The following NPC1 variants were observed in gnomAD, a reference collection of about 807,000 sequenced individuals.
NPC1 encodes Niemann-Pick C1 protein.
NPC1 carries 85 observed loss-of-function variants against 140.4 expected under a neutral mutation model. The ratio of observed to expected loss-of-function variants is 0.61; its 90% confidence interval spans 0.51 to 0.72. The LOEUF (loss-of-function observed/expected upper bound fraction) is 0.72. Among genes scored for constraint, NPC1 ranks in the 30% least tolerant of loss-of-function variants. The probability of loss-of-function intolerance (pLI) is 0.00; values close to 1 mark genes in which losing one functional copy is unlikely to be tolerated. For missense variants in NPC1, 1,504 were observed against 1,623.8 expected (o/e 0.93, Z 1.27); for synonymous variants, 656 against 624.8 (o/e 1.05, Z -0.74).
chr18:23,530,121 T>G (rs1273782680), downstream of NPC1: 1 of 1,614,056 alleles, frequency 6.2e-7, no homozygotes, highest in Non-Finnish European at 8.5e-7. Flanking sequence ...CCTCAGCGAC[T>G]CCAAACCTTT....
intron 3 of NPC1, among the ~76,000 whole-genome samples, chr18:23,516,727 CTT>C (rs35162212): frequency 5.4e-5 from 4 of 73,950 alleles, no homozygotes; most frequent in Non-Finnish European, 8.7e-5. Flanking sequence ...ATTTCTTCTT[CTT>C]TTTTTTTTTT....
At chr18:23,508,177 G>A (rs776614500) in intron 3 of NPC1, 9 of 701,712 alleles carry the variant, frequency 1.3e-5, no homozygotes, top group Non-Finnish European at 2.0e-5. Context: ...TCCCAAACTG[G>A]AGTCAGGCGG....
Position 23,538,622 on chromosome 18 carries a change from T to C in NPC1, c.2961A>G (p.Lys987=), listed in dbSNP as rs2145366840. Residue 987 remains lysine, a synonymous_variant, in exon 20 of 25, where the codon AAA becomes AAG. Transcript: ENST00000269228. The stretch of plus-strand genomic sequence containing the variant: ...TGAAGTCTCCCCCCTGAGGCCTCTG[T>C]TTGCCTTCCGGAGTCAGAGGCCTGC... The part of the protein sequence containing the change: ...VRCRPLTPEG[K]QRPQGGDFMR... 6.2e-7 allele frequency: 1 copy of C among 1,614,100 alleles called. No homozygotes were observed. The highest frequency in any genetic ancestry group is 8.5e-7 in the Non-Finnish European group (1 of 1,179,996).
intron 21 of NPC1, among the ~76,000 whole-genome samples, chr18:23,535,972 A>G (rs1027039754): frequency 2.0e-5 from 3 of 152,160 alleles, no homozygotes; most frequent in South Asian, 4.1e-4. Context: ...ATAGACATTT[A>G]CAGAGAGCAT....
downstream of NPC1, among the ~76,000 whole-genome samples, chr18:23,521,760 C>T (rs2058148778): frequency 6.6e-6 from 1 of 150,718 alleles, no homozygotes; most frequent in South Asian, 2.1e-4. Flanking sequence ...AGTTCAAGAT[C>T]AAGATGTCTG....
At chr18:23,535,744 C>G in intron 21 of NPC1, 44 bp from the exon 22 acceptor site, 1 of 1,266,878 alleles carries the variant, frequency 7.9e-7, no homozygotes, top group Non-Finnish European at 1.2e-6. Context: ...GCTCTCACTC[C>G]CGAACACTGC....
At chr18:23,575,460 G>A (rs1238359250) in intron 1 of NPC1, among the ~76,000 whole-genome samples, 1 of 152,000 alleles carries the variant, frequency 6.6e-6, no homozygotes, top group Non-Finnish European at 1.5e-5. Flanking sequence ...CCTGGAGCAG[G>A]TTACGTAACC....
In NPC1 at chr18:23,545,635, C is replaced by T. The variant is rs116836661; in HGVS notation, c.1758-486G>A. On this transcript the variant is annotated intron_variant, in intron 11 of 24. Coordinates refer to ENST00000269228, the MANE Select transcript of NPC1 (RefSeq NM_000271.5). Reference sequence around the variant, plus strand: ...GAAATAGAGTCTCTCTCTGTTGCCTCGGCTGGAGTACAGTGGCACTATTAC... The same window carrying T: ...GAAATAGAGTCTCTCTCTGTTGCCTTGGCTGGAGTACAGTGGCACTATTAC... 5.8e-3 allele frequency among the ~76,000 whole-genome samples: 890 copies of T among 152,308 alleles called. 8 individuals are homozygous for T. Among genetic ancestry groups the T allele is most frequent in the African/African-American group, 0.02 (823 of 41,566 alleles).
intron 9 of NPC1, among the ~76,000 whole-genome samples, chr18:23,553,624 A>G (rs1202520079): frequency 1.3e-5 from 2 of 152,216 alleles, no homozygotes; most frequent in Admixed American, 6.5e-5. Flanking sequence ...ATGCTGAAGA[A>G]ATAGCCACTG....
At chr18:23,530,264 T>G (rs780383941), downstream of NPC1, 2 of 1,614,240 alleles carry the variant, frequency 1.2e-6, no homozygotes, top group Non-Finnish European at 1.7e-6. Context: ...GTTTCTATCC[T>G]CCTGCTCATC....
downstream of NPC1, chr18:23,527,770 G>C (rs779244233): frequency 8.8e-6 from 14 of 1,586,928 alleles, no homozygotes; most frequent in Non-Finnish European, 1.1e-5. Context: ...GGTTTGATCC[G>C]TGTGTGAACA....
At position 23,533,519 on chromosome 18, in the gene NPC1, TAAAAG is replaced by T. The variant is rs760935117; in HGVS notation, c.3592-7_3592-3del. 18 of 1,614,038 alleles carry T rather than the reference TAAAAG, an allele frequency of 1.1e-5. No individual in the cohort carries two copies. Among genetic ancestry groups the T allele is most frequent in the Non-Finnish European group, 1.4e-5 (17 of 1,179,898 alleles). The stretch of plus-strand genomic sequence containing the variant: ...TGTAAGTGTGATTCCACTGAACACC[TAAAAG>T]AAGAGATACTGTGTTAGAAACCACT... On this transcript the variant is annotated splice_polypyrimidine_tract_variant and splice_region_variant and intron_variant, in intron 23 of 24. Transcript: ENST00000269228.
At position 23,531,992 on chromosome 18, in the gene NPC1, T is replaced by A; in HGVS notation, c.*210A>T. The A allele has an allele frequency of 6.8e-7, 1 of 1,464,728 alleles. No homozygotes were observed. The highest frequency in any genetic ancestry group is 9.0e-7 in the Non-Finnish European group (1 of 1,114,662). The allele number at this position is 1,464,728 out of a possible 1,614,324, so 90.7% of individuals were successfully genotyped here. ...CCTGAAGAGGCTGGGAGAAGTTTAG[T>A]GTCCTGTGGTTGCCTCCAGATCTAG... On this transcript the variant is annotated 3_prime_UTR_variant, in exon 25 of 25. Coordinates refer to ENST00000269228, the MANE Select transcript of NPC1 (RefSeq NM_000271.5).
At chr18:23,544,872 T>C (rs746467451) in intron 12 of NPC1, 88 bp downstream of exon 12, 3 of 958,948 alleles carry the variant, frequency 3.1e-6, no homozygotes, top group Non-Finnish European at 5.0e-6. Flanking sequence ...TTAAACATAA[T>C]GGAATAAGAA....
intron 9 of NPC1, among the ~76,000 whole-genome samples, chr18:23,552,043 C>T (rs1290239128): frequency 1.3e-5 from 2 of 152,060 alleles, no homozygotes; most frequent in Admixed American, 6.6e-5. Context: ...CCCAGAGCTC[C>T]GAGGATGAGG....
At position 23,545,138 on chromosome 18, in the gene NPC1, A is replaced by G; in HGVS notation, c.1769T>C (p.Phe590Ser). 6.2e-7 allele frequency: 1 copy of G among 1,609,886 alleles called. No homozygotes were observed. Among genetic ancestry groups the G allele is most frequent in the Non-Finnish European group, 8.5e-7 (1 of 1,176,090 alleles). ...ATTGGGATTCTTGTAGTTTTTCACA[A>G]AATTAATAAACCTAAAAGGTAAGCA... The part of the protein sequence containing the change: ...AQAWEKEFIN[F>S]VKNYKNPNLT... Residue 590 changes from phenylalanine to serine, a missense_variant, in exon 12 of 25, where the codon TTT becomes TCT. Coordinates refer to ENST00000269228, the MANE Select transcript of NPC1 (RefSeq NM_000271.5).
intron 1 of NPC1, among the ~76,000 whole-genome samples, chr18:23,523,852 A>C (rs531923008): frequency 6.6e-6 from 1 of 152,216 alleles, no homozygotes; most frequent in East Asian, 1.9e-4. Flanking sequence ...GTAAACGATC[A>C]TGAGTCATCT....
At chr18:23,563,971 T>C (rs2059082028) in intron 4 of NPC1, among the ~76,000 whole-genome samples, 1 of 149,458 alleles carries the variant, frequency 6.7e-6, no homozygotes, top group Admixed American at 6.7e-5. Flanking sequence ...TATTTATTTA[T>C]CATTGAGTAG....
At chr18:23,577,850 C>T (rs1468343223) in intron 1 of NPC1, among the ~76,000 whole-genome samples, 3 of 152,256 alleles carry the variant, frequency 2.0e-5, no homozygotes, top group African/African-American at 7.2e-5. Context: ...GGACCCAGTA[C>T]ACCCTCTGCA....
Sources: gnomAD v4.1 joint callset for allele counts (sites outside exome capture counted in the v4.1 genomes callset) on GRCh38, gnomAD v4.1.1 for gene constraint, MANE v1.5 for transcripts, NCBI Gene and HGNC (gene_info 2026-07-23, HGNC 2026-07-21) for gene names.